ACYP2: variants seen among roughly 807,000 people sequenced by gnomAD.
ACYP2 encodes acylphosphatase-2.
Under a neutral mutation model 11.2 loss-of-function variants are expected in ACYP2, and 12 were observed. The observed-to-expected ratio is 1.08, with a 90% CI of 0.69 to 1.74. The LOEUF (loss-of-function observed/expected upper bound fraction) is 1.74. ACYP2 is among the 40% of genes most tolerant of loss of function. ACYP2 has a pLI of 0.00. For missense variants in ACYP2, 134 were observed against 101.9 expected, an observed-to-expected ratio of 1.31 and a Z score of -1.35; for synonymous variants, 43 against 32.2, an observed-to-expected ratio of 1.33 and a Z score of -1.13.
intron 2 of ACYP2, among the ~76,000 whole-genome samples, chr2:53,975,781 A>G (rs1415633754): frequency 2.6e-5 from 4 of 152,040 alleles, no homozygotes; most frequent in Admixed American, 2.6e-4. Context: ...GCAGTGAGCC[A>G]AGATCGCGCC....
At chr2:54,114,717 C>A (rs1047292641) in intron 4 of ACYP2, among the ~76,000 whole-genome samples, 1 of 152,168 alleles carries the variant, frequency 6.6e-6, no homozygotes, top group Non-Finnish European at 1.5e-5. Flanking sequence ...ACCAAAAAAA[C>A]TGTATGAACA....
intron 6 of ACYP2, among the ~76,000 whole-genome samples, chr2:54,283,134 T>A (rs1176123151): frequency 1.3e-5 from 2 of 152,212 alleles, no homozygotes; most frequent in Admixed American, 1.3e-4. Context: ...AATGCACGAA[T>A]GATTGAAAAT....
At chr2:54,302,944 C>T (rs904955783) in intron 6 of ACYP2, among the ~76,000 whole-genome samples, 6 of 152,224 alleles carry the variant, frequency 3.9e-5, no homozygotes, top group African/African-American at 1.2e-4. Context: ...GTTACTATCT[C>T]TTAAGTGTCT....
intron 2 of ACYP2, among the ~76,000 whole-genome samples, chr2:53,998,901 T>C (rs543012474): frequency 6.6e-6 from 1 of 152,262 alleles, no homozygotes; most frequent in East Asian, 1.9e-4. Context: ...GCTGTTTCAT[T>C]CTTTGGGCTC....
intron 6 of ACYP2, among the ~76,000 whole-genome samples, chr2:54,201,632 C>CTTTTTTCTTTCTTTCTTTCTTTG (rs1190292116): frequency 5.4e-5 from 4 of 74,296 alleles, no homozygotes; most frequent in African/African-American, 2.0e-4. Flanking sequence ...TTGTTTCTTT[C>CTTTTTTCTTTCTTTCTTTCTTTG]TTTCTCTTTC....
At chr2:54,032,711 C>G (rs1277760242) in intron 2 of ACYP2, among the ~76,000 whole-genome samples, 1 of 152,036 alleles carries the variant, frequency 6.6e-6, no homozygotes, top group African/African-American at 2.4e-5. Context: ...ATAAATTACT[C>G]CCATTCACAA....
chr2:54,273,698 T>C (rs915781384), intron 6 of ACYP2, among the ~76,000 whole-genome samples: 3 of 152,200 alleles, frequency 2.0e-5, no homozygotes, highest in African/African-American at 7.2e-5. Context: ...ACTCCTGACC[T>C]CAGGTGATTC....
chr2:53,971,607 C>T (rs1671122793), intron 1 of ACYP2, among the ~76,000 whole-genome samples: 1 of 152,160 alleles, frequency 6.6e-6, no homozygotes, highest in African/African-American at 2.4e-5. Flanking sequence ...AACCTGGTTT[C>T]CGCCCTCCCA....
intron 4 of ACYP2, among the ~76,000 whole-genome samples, chr2:54,083,280 A>G (rs1352722212): frequency 6.6e-6 from 1 of 152,176 alleles, no homozygotes; most frequent in East Asian, 1.9e-4. Flanking sequence ...GGGCTAATCA[A>G]TACGGCCATT....
chr2:54,025,442 T>C (rs965950738), intron 2 of ACYP2, among the ~76,000 whole-genome samples: 1 of 152,114 alleles, frequency 6.6e-6, no homozygotes, highest in African/African-American at 2.4e-5. Context: ...AGCCAACTGA[T>C]CTTCAACACA....
intron 4 of ACYP2, among the ~76,000 whole-genome samples, chr2:54,121,891 C>G (rs1680181027): frequency 6.6e-6 from 1 of 152,198 alleles, no homozygotes; most frequent in African/African-American, 2.4e-5. Context: ...TCTAGTGGGT[C>G]CTTCAAAAGT....
At chr2:54,144,165 G>C (rs941347422) in intron 6 of ACYP2, among the ~76,000 whole-genome samples, 3 of 151,804 alleles carry the variant, frequency 2.0e-5, no homozygotes, top group African/African-American at 7.3e-5. Context: ...TGGAGGTGAG[G>C]TCTCATTACG....
At chr2:54,082,187 G>C (rs1677692347) in intron 4 of ACYP2, among the ~76,000 whole-genome samples, 1 of 151,914 alleles carries the variant, frequency 6.6e-6, no homozygotes, top group African/African-American at 2.4e-5. Context: ...ATATCAATCA[G>C]TTTTCATTAT....
chr2:54,019,668 A>G (rs1437727941), intron 2 of ACYP2, among the ~76,000 whole-genome samples: 1 of 151,538 alleles, frequency 6.6e-6, no homozygotes, highest in Non-Finnish European at 1.5e-5. Context: ...CACCCAGGCT[A>G]GAGTGCAGTG....
At chr2:54,100,471 T>G (rs1298723626) in intron 4 of ACYP2, among the ~76,000 whole-genome samples, 1 of 151,736 alleles carries the variant, frequency 6.6e-6, no homozygotes, top group Non-Finnish European at 1.5e-5. Flanking sequence ...CCTGGCTAAT[T>G]AAAAAAAGAT....
At chr2:54,198,907 A>G (rs1684633370) in intron 6 of ACYP2, among the ~76,000 whole-genome samples, 1 of 152,164 alleles carries the variant, frequency 6.6e-6, no homozygotes, top group South Asian at 2.1e-4. Flanking sequence ...CCATTCTACC[A>G]ACACTCTCTC....
chr2:53,987,866 G>A (rs951382963), intron 2 of ACYP2, among the ~76,000 whole-genome samples: 3 of 151,808 alleles, frequency 2.0e-5, no homozygotes, highest in African/African-American at 7.3e-5. Context: ...TTGGTTTTTG[G>A]ATTGCTTGGT....
intron 2 of ACYP2, among the ~76,000 whole-genome samples, chr2:54,027,337 C>G (rs1674337653): frequency 6.6e-6 from 1 of 152,118 alleles, no homozygotes; most frequent in Non-Finnish European, 1.5e-5. Context: ...CTTTTCCCTC[C>G]TTTTCCCCCA....
intron 6 of ACYP2, among the ~76,000 whole-genome samples, chr2:54,216,409 A>G (rs11884867): frequency 0.24 from 36,542 of 152,110 alleles, 4,604 homozygotes; most frequent in East Asian, 0.4. Flanking sequence ...ACAACTTGAC[A>G]TTTTATTGGA....
Sources: gnomAD v4.1 joint callset for allele counts (sites outside exome capture counted in the v4.1 genomes callset) on GRCh38, gnomAD v4.1.1 for gene constraint, MANE v1.5 for transcripts, NCBI Gene and HGNC (gene_info 2026-07-23, HGNC 2026-07-21) for gene names.